The following EPHA5 variants were observed in gnomAD, a reference collection of about 807,000 sequenced individuals.
The protein encoded by EPHA5 is ephrin type-A receptor 5.
EPHA5 carries 60 observed loss-of-function variants against 105.0 expected under a neutral mutation model. That is an observed-to-expected ratio of 0.57 (90% confidence interval 0.46 to 0.71). The LOEUF (loss-of-function observed/expected upper bound fraction) is 0.71. EPHA5 is among the 30% of genes least tolerant of loss of function. The pLI, the probability that EPHA5 is intolerant of heterozygous loss-of-function variation, is 0.00. For synonymous variants in EPHA5, 513 were observed against 449.1 expected (o/e 1.14, Z -1.80); for missense variants, 1,218 against 1,274.7 (o/e 0.96, Z 0.68).
intron 8 of EPHA5, among the ~76,000 whole-genome samples, chr4:65,374,919 T>A (rs968333651): frequency 6.6e-6 from 1 of 151,946 alleles, no homozygotes; most frequent in Admixed American, 6.6e-5. Flanking sequence ...AGTATTTTAC[T>A]GACTCTCCTA....
At chr4:65,664,413 A>AT (rs1028927246) in intron 1 of EPHA5, among the ~76,000 whole-genome samples, 2 of 151,872 alleles carry the variant, frequency 1.3e-5, no homozygotes, top group African/African-American at 4.8e-5. Context: ...GGTACTAATA[A>AT]TTTTTTCTTA....
chr4:65,654,119 C>T (rs369025331), intron 1 of EPHA5, among the ~76,000 whole-genome samples: 2 of 151,878 alleles, frequency 1.3e-5, no homozygotes, highest in East Asian at 1.9e-4. Flanking sequence ...GTGATACTGG[C>T]AGATGCATTA....
intron 5 of EPHA5, among the ~76,000 whole-genome samples, chr4:65,422,384 G>C (rs1724025681): frequency 6.6e-6 from 1 of 152,070 alleles, no homozygotes; most frequent in Non-Finnish European, 1.5e-5. Context: ...AGGTTTGTCA[G>C]CATCAAGGAG....
At chr4:65,571,044 C>T (rs1029029786) in intron 3 of EPHA5, among the ~76,000 whole-genome samples, 15 of 151,846 alleles carry the variant, frequency 9.9e-5, no homozygotes, top group Admixed American at 2.0e-4. Context: ...CTCCCCCTCC[C>T]TTCTCTTCCT....
At chr4:65,653,672 C>T (rs1421697287) in intron 1 of EPHA5, among the ~76,000 whole-genome samples, 1 of 151,804 alleles carries the variant, frequency 6.6e-6, no homozygotes, top group African/African-American at 2.4e-5. Context: ...GATTTTTGGT[C>T]ACAAAATGAC....
intron 2 of EPHA5, among the ~76,000 whole-genome samples, chr4:65,638,106 A>T (rs1747315880): frequency 6.6e-6 from 1 of 152,182 alleles, no homozygotes; most frequent in African/African-American, 2.4e-5. Context: ...TAAGGCCTAA[A>T]GTTAAGAAGA....
chr4:65,626,056 G>C (rs1033410017), intron 2 of EPHA5, among the ~76,000 whole-genome samples: 4 of 148,660 alleles, frequency 2.7e-5, no homozygotes, highest in Admixed American at 1.3e-4. Flanking sequence ...AGCCGAGATC[G>C]CGCCACTGCA....
chr4:65,422,152 T>C (rs1724004888), intron 5 of EPHA5, among the ~76,000 whole-genome samples: 1 of 152,082 alleles, frequency 6.6e-6, no homozygotes, highest in African/African-American at 2.4e-5. Flanking sequence ...AAGAATACAC[T>C]TTAAAATACT....
At chr4:65,585,821 A>G (rs1742067299) in intron 3 of EPHA5, among the ~76,000 whole-genome samples, 1 of 151,718 alleles carries the variant, frequency 6.6e-6, no homozygotes, top group Non-Finnish European at 1.5e-5. Context: ...AAAGGAGCAT[A>G]TGTTTTTCTA....
intron 3 of EPHA5, among the ~76,000 whole-genome samples, chr4:65,534,093 G>A (rs1736074605): frequency 6.6e-6 from 1 of 152,130 alleles, no homozygotes; most frequent in Admixed American, 6.6e-5. Context: ...CAAAATGTCT[G>A]TGCCCAAACA....
chr4:65,495,460 C>A lies in EPHA5; in HGVS notation c.994G>T (p.Ala332Ser), dbSNP rs759135705. 1.9e-6 allele frequency: 3 copies of A among 1,613,898 alleles called. No individual in the cohort carries two copies. The highest frequency in any genetic ancestry group is 1.7e-5 in the Admixed American group (1 of 59,986). The change falls in exon 4 of 17, where the codon GCT becomes TCT. Residue 332 changes from alanine to serine, a missense_variant. Ala to Ser is a moderately conservative substitution (Grantham distance 99, BLOSUM62 1). Around this residue, in one of 3 missense-constraint regions of EPHA5, gnomAD observed 971 missense variants for 1,013.5 expected, o/e 0.96. Transcript: ENST00000613740. ...CPPHSYTHEEASTSCVCEKDY... is the reference protein window; with the variant it reads ...CPPHSYTHEESSTSCVCEKDY... ...TTTTCACAGACACAAGAGGTTGAAG[C>A]TTCCTCATGGGTATAACTGTGAGGT...
At chr4:65,633,944 G>A (rs1204414477) in intron 2 of EPHA5, among the ~76,000 whole-genome samples, 1 of 152,088 alleles carries the variant, frequency 6.6e-6, no homozygotes, top group Non-Finnish European at 1.5e-5. Context: ...TAACACACCT[G>A]TACACGTTGT....
chr4:65,483,353 T>TA (rs1432950037), intron 5 of EPHA5, among the ~76,000 whole-genome samples: 4 of 152,322 alleles, frequency 2.6e-5, no homozygotes, highest in Middle Eastern at 3.4e-3. Flanking sequence ...CAGCATGACT[T>TA]ACAATCCTTT....
rs1334244495 is a variant in EPHA5 at position 65,576,151 on chromosome 4, AAGAG to A, written c.910+25486_910+25489del. On this transcript the variant is annotated intron_variant, in intron 3 of 16. Transcript: ENST00000613740. ...AAAAGAAAAGAAAGAAAGAAAAAGA[AAGAG>A]AGAGAGAAAGTAAAGGAAGGAAGGA... 7.7e-4 allele frequency among the ~76,000 whole-genome samples: 115 copies of A among 149,810 alleles called. 1 individual carries two copies. Among genetic ancestry groups the A allele is most frequent in the African/African-American group, 2.7e-3 (110 of 40,854 alleles).
intron 3 of EPHA5, among the ~76,000 whole-genome samples, chr4:65,578,892 T>A (rs1741330622): frequency 1.3e-5 from 2 of 152,040 alleles, no homozygotes; most frequent in South Asian, 4.1e-4. Context: ...GAGAATTCCA[T>A]ATTGGTGTAA....
At chr4:65,427,309 C>T (rs760906858) in intron 5 of EPHA5, among the ~76,000 whole-genome samples, 2 of 151,250 alleles carry the variant, frequency 1.3e-5, no homozygotes, top group East Asian at 2.0e-4. Flanking sequence ...CTCAGCCTCC[C>T]GAGTAGCTGG....
chr4:65,599,348 A>AACACACAC (rs71657190), intron 3 of EPHA5, among the ~76,000 whole-genome samples: 33,662 of 148,448 alleles, frequency 0.23, 4,167 homozygotes, highest in Middle Eastern at 0.33. Context: ...GGCATTTTAT[A>AACACACAC]ACACACACAC....
intron 8 of EPHA5, 73 bp from the exon 9 acceptor site, chr4:65,367,497 A>G (rs1718032077): frequency 7.2e-7 from 1 of 1,382,850 alleles, no homozygotes; most frequent in Non-Finnish European, 1.0e-6. Context: ...AGAAGCATGA[A>G]GCACAACTGA....
At chr4:65,431,725 T>C (rs1364208000) in intron 5 of EPHA5, among the ~76,000 whole-genome samples, 1 of 152,076 alleles carries the variant, frequency 6.6e-6, no homozygotes, top group Non-Finnish European at 1.5e-5. Context: ...TAAAAATAAA[T>C]AGTTTGGGAA....
Sources: allele counts gnomAD v4.1 joint callset (sites outside exome capture counted in the v4.1 genomes callset), GRCh38; gene constraint gnomAD v4.1.1; regional missense constraint gnomAD v4.1.1; transcripts MANE v1.5; gene names NCBI Gene and HGNC (gene_info 2026-07-23, HGNC 2026-07-21).